The following KCTD8 variants were observed in gnomAD, a reference collection of about 807,000 sequenced individuals.
KCTD8 encodes the protein potassium channel tetramerization domain containing 8.
A neutral mutation model predicts 31.5 loss-of-function variants in KCTD8; 27 were observed. That is an observed-to-expected ratio of 0.86 (90% CI 0.63 to 1.18). The LOEUF is 1.18. KCTD8 is among the 50% of genes most tolerant of loss of function. KCTD8 has a pLI of 0.00. For synonymous variants in KCTD8, 290 were observed against 280.0 expected, an observed-to-expected ratio of 1.04 and a Z score of -0.36; for missense variants, 658 against 647.7, an observed-to-expected ratio of 1.02 and a Z score of -0.17.
intron 1 of KCTD8, among the ~76,000 whole-genome samples, chr4:44,432,448 G>C (rs913819653): frequency 2.0e-5 from 3 of 151,594 alleles, no homozygotes; most frequent in Non-Finnish European, 4.4e-5. Context: ...AACAATATGG[G>C]AAGTGTCTTA....
At chr4:44,356,762 G>A (rs1015870851) in intron 1 of KCTD8, among the ~76,000 whole-genome samples, 3 of 152,108 alleles carry the variant, frequency 2.0e-5, no homozygotes, top group Non-Finnish European at 4.4e-5. Context: ...GTGAGCCACC[G>A]TGCTTGGCCT....
chr4:44,247,977 A>G (rs982999140), intron 1 of KCTD8, among the ~76,000 whole-genome samples: 1 of 151,934 alleles, frequency 6.6e-6, no homozygotes, highest in Non-Finnish European at 1.5e-5. Context: ...ATTTCTGGCT[A>G]TATATCCAAA....
chr4:44,254,888 T>C (rs1314241359), intron 1 of KCTD8, among the ~76,000 whole-genome samples: 2 of 151,890 alleles, frequency 1.3e-5, no homozygotes, highest in Non-Finnish European at 2.9e-5. Context: ...TATATCTATC[T>C]GGGCTTATTT....
At chr4:44,344,134 G>A (rs1718978464) in intron 1 of KCTD8, among the ~76,000 whole-genome samples, 1 of 151,942 alleles carries the variant, frequency 6.6e-6, no homozygotes, top group African/African-American at 2.4e-5. Context: ...TGGGATTACA[G>A]GTGTGAGCCA....
At chr4:44,190,558 T>C (rs1022206297) in intron 1 of KCTD8, among the ~76,000 whole-genome samples, 1 of 152,192 alleles carries the variant, frequency 6.6e-6, no homozygotes, top group African/African-American at 2.4e-5. Context: ...CATAATGCCC[T>C]ACCAAATCAG....
intron 1 of KCTD8, among the ~76,000 whole-genome samples, chr4:44,290,504 T>A (rs1277144450): frequency 6.6e-6 from 1 of 152,176 alleles, no homozygotes; most frequent in Admixed American, 6.6e-5. Context: ...AATCACAGAT[T>A]ATATATTCTT....
chr4:44,390,072 C>A (rs967530839), intron 1 of KCTD8, among the ~76,000 whole-genome samples: 2 of 152,004 alleles, frequency 1.3e-5, no homozygotes, highest in African/African-American at 2.4e-5. Flanking sequence ...AAGATTCTCT[C>A]CAAATCTGTG....
At chr4:44,339,154 T>A (rs1297524880) in intron 1 of KCTD8, among the ~76,000 whole-genome samples, 3 of 152,198 alleles carry the variant, frequency 2.0e-5, no homozygotes, top group African/African-American at 7.2e-5. Context: ...TAACAGTAAC[T>A]CATGTCTTAT....
At chr4:44,309,642 T>C (rs1717896017) in intron 1 of KCTD8, among the ~76,000 whole-genome samples, 1 of 152,204 alleles carries the variant, frequency 6.6e-6, no homozygotes, top group Admixed American at 6.5e-5. Context: ...TGTATGAACA[T>C]AAAATACTAA....
rs112897873 is a variant in KCTD8 at position 44,248,818 on chromosome 4, T to C, written c.962-73568A>G. Among the ~76,000 whole-genome samples, 1,375 of 151,996 alleles carry C rather than the reference T, an allele frequency of 9.0e-3. 19 individuals carry two copies. The highest frequency in any genetic ancestry group is 0.031 in the African/African-American group (1,286 of 41,508). Reference sequence around the variant, plus strand: ...AATGATGACCAAGTTGCCATCAGCCTGGGTTCTTGAAAAACAACCTGGAGC... The same window carrying C: ...AATGATGACCAAGTTGCCATCAGCCCGGGTTCTTGAAAAACAACCTGGAGC... On this transcript the variant is annotated intron_variant, in intron 1 of 1. Transcript: ENST00000360029.
intron 1 of KCTD8, among the ~76,000 whole-genome samples, chr4:44,371,762 G>A (rs1719792749): frequency 1.3e-5 from 2 of 152,136 alleles, no homozygotes; most frequent in Admixed American, 6.5e-5. Context: ...TAAAATAGAT[G>A]AATCCCCAAC....
intron 1 of KCTD8, among the ~76,000 whole-genome samples, chr4:44,240,023 T>C (rs1715402006): frequency 6.6e-6 from 1 of 152,224 alleles, no homozygotes; most frequent in Non-Finnish European, 1.5e-5. Flanking sequence ...TGCAACCTAA[T>C]ACTGACTCCT....
chr4:44,228,408 C>A (rs1239526538), intron 1 of KCTD8, among the ~76,000 whole-genome samples: 1 of 152,144 alleles, frequency 6.6e-6, no homozygotes, highest in Non-Finnish European at 1.5e-5. Context: ...AGCCCTATCT[C>A]AAAAGACAGT....
chr4:44,346,598 C>T (rs116090785), intron 1 of KCTD8, among the ~76,000 whole-genome samples: 1,658 of 152,082 alleles, frequency 0.011, 35 homozygotes, highest in African/African-American at 0.038. Context: ...GAAACTGGCT[C>T]AAACTAAAAA....
chr4:44,255,816 A>G (rs1715973499), intron 1 of KCTD8, among the ~76,000 whole-genome samples: 2 of 151,992 alleles, frequency 1.3e-5, no homozygotes, highest in Non-Finnish European at 2.9e-5. Context: ...TAACATCTCT[A>G]TTACTTTGAC....
chr4:44,251,125 C>A (rs1715818355), intron 1 of KCTD8, among the ~76,000 whole-genome samples: 1 of 151,794 alleles, frequency 6.6e-6, no homozygotes, highest in Middle Eastern at 3.4e-3. Flanking sequence ...ATGCCACTTG[C>A]AACACTTACT....
chr4:44,323,205 A>T (rs1718344372), intron 1 of KCTD8, among the ~76,000 whole-genome samples: 1 of 152,002 alleles, frequency 6.6e-6, no homozygotes, highest in Admixed American at 6.5e-5. Flanking sequence ...TTCATATAAT[A>T]ACATGTGGCC....
Position 44,181,573 on chromosome 4 carries a change from A to G in KCTD8, c.962-6323T>C, listed in dbSNP as rs1713405746. ...CTCAATGTTGCCCAGGCTGGAGTGCAGTGGCGTGATCTCGGCTAGCTACAA... is the reference window on the plus strand; with the variant it reads ...CTCAATGTTGCCCAGGCTGGAGTGCGGTGGCGTGATCTCGGCTAGCTACAA... On this transcript the variant is annotated intron_variant, in intron 1 of 1. Coordinates refer to ENST00000360029, the MANE Select transcript of KCTD8 (RefSeq NM_198353.3). Among the ~76,000 whole-genome samples, 3 of 152,280 alleles carry G rather than the reference A, an allele frequency of 2.0e-5. No homozygotes were observed. The South Asian group carries it at 6.2e-4, about 32-fold the overall frequency.
intron 1 of KCTD8, among the ~76,000 whole-genome samples, chr4:44,298,408 C>CA (rs1717506863): frequency 6.6e-6 from 1 of 150,568 alleles, no homozygotes; most frequent in Admixed American, 6.6e-5. Flanking sequence ...AATGATCTGC[C>CA]CCCCCCACCT....
Sources: gnomAD v4.1 joint callset for allele counts (sites outside exome capture counted in the v4.1 genomes callset) on GRCh38, gnomAD v4.1.1 for gene constraint, MANE v1.5 for transcripts, NCBI Gene and HGNC (gene_info 2026-07-23, HGNC 2026-07-21) for gene names.